TTLL2: variants seen among roughly 807,000 people sequenced by gnomAD.
TTLL2 encodes the protein tubulin tyrosine ligase like 2, also known as probable tubulin polyglutamylase TTLL2.
A neutral mutation model predicts 7.5 loss-of-function variants in TTLL2; 10 were observed. The ratio of observed to expected loss-of-function variants is 1.33; its 90% CI spans 0.82 to 2.25. The LOEUF (loss-of-function observed/expected upper bound fraction) is 2.25. Among genes scored for constraint, TTLL2 ranks in the 30% most tolerant of loss-of-function variants. The pLI is 0.00. For missense variants in TTLL2, 733 were observed against 735.7 expected (o/e 1.00, Z 0.04); for synonymous variants, 284 against 280.3 (o/e 1.01, Z -0.13).
rs770316155 is a variant in TTLL2 at position 167,340,972 on chromosome 6, C to A, written c.1072C>A (p.Pro358Thr). 2 of 1,614,104 alleles carry A rather than the reference C, an allele frequency of 1.2e-6. No homozygotes were observed. The highest frequency in any genetic ancestry group is 4.5e-5 in the East Asian group (2 of 44,870). Residue 358 changes from proline (P) to threonine (T), a missense_variant, in exon 3 of 3, where the codon CCA becomes ACA. Physicochemically the swap from Pro to Thr is conservative, Grantham distance 38 (BLOSUM62 -1). Coordinates refer to ENST00000239587, the MANE Select transcript of TTLL2 (RefSeq NM_031949.5). ...MVILTILAIA[P>T]SVPFAANCFE... is the part of the protein sequence containing the mutation. ...TATTCTCACCATTCTCGCCATTGCA[C>A]CATCTGTCCCCTTTGCTGCCAATTG...
At position 167,338,795 on chromosome 6, in the gene TTLL2, GAGA is replaced by G. The variant is rs763253978; in HGVS notation, c.202_204del (p.Lys70del). The stretch of plus-strand genomic sequence containing the variant: ...GCGAGGCCGCCCAACACCAACACTG[GAGA>G]AGAAGGTGGGTGGGCAAGCCAGGTA... On this transcript the variant is annotated inframe_deletion, in exon 2 of 3. Transcript: ENST00000239587. 5 of 1,606,784 alleles carry G rather than the reference GAGA, an allele frequency of 3.1e-6. No homozygotes were observed. Among genetic ancestry groups the G allele is most frequent in the South Asian group, 1.1e-5 (1 of 90,076 alleles).
Position 167,342,685 on chromosome 6 carries a change from C to G in TTLL2, c.*1006C>G, listed in dbSNP as rs1305053856. Among the ~76,000 whole-genome samples, 4 of 152,146 alleles carry G rather than the reference C, an allele frequency of 2.6e-5. No individual in the cohort carries two copies. ...TTTACCACAATAAAAAAGTTAAAAG[C>G]TGGCCATGGTGGCTCATGCCTTCAA... On this transcript the variant is annotated 3_prime_UTR_variant, in exon 3 of 3. Transcript: ENST00000239587.
intron 1 of TTLL2, among the ~76,000 whole-genome samples, chr6:167,326,612 G>A (rs911829605): frequency 2.0e-5 from 3 of 152,166 alleles, no homozygotes; most frequent in Non-Finnish European, 4.4e-5. Flanking sequence ...TATTTTCTAT[G>A]TCTACACCAA....
chr6:167,340,849 G>T lies in TTLL2; in HGVS notation c.949G>T (p.Gly317Cys). ...ASYEKIKEVI[G>C]HGCKWTLSRF... ...TTATGAGAAGATCAAAGAAGTGATT[G>T]GTCATGGTTGTAAATGGACGCTCAG... The change falls in exon 3 of 3, where the codon GGT becomes TGT. Residue 317 changes from glycine to cysteine, a missense_variant. Physicochemically the swap from Gly to Cys is radical, Grantham distance 159. Coordinates refer to ENST00000239587, the MANE Select transcript of TTLL2 (RefSeq NM_031949.5). 6.2e-7 allele frequency: 1 copy of T among 1,614,144 alleles called. No individual in the cohort carries two copies. The highest frequency in any genetic ancestry group is 8.5e-7 in the Non-Finnish European group (1 of 1,180,030).
rs374754607 is a variant in TTLL2, at chr6:167,330,876, G to T, written c.47+5656G>T. On this transcript the variant is annotated intron_variant, in intron 1 of 2. Transcript: ENST00000239587. ...TCAGCCAGAGACCCAGGAGGGCAGC[G>T]TGGGCATTCCCGTGATCCCTTCTGC... 1.9e-3 allele frequency among the ~76,000 whole-genome samples: 283 copies of T among 152,306 alleles called. 3 individuals are homozygous for T. Among genetic ancestry groups the T allele is most frequent in the African/African-American group, 6.7e-3 (278 of 41,554 alleles).
At chr6:167,338,824 G>GTTCCTTCCTTTCTTCCTTCC (rs1554246388) in intron 2 of TTLL2, 21 bp downstream of exon 2, 1 of 1,025,092 alleles carries the variant, frequency 9.8e-7, no homozygotes, top group African/African-American at 1.8e-5. Context: ...AAGCCAGGTA[G>GTTCCTTCCTTTCTTCCTTCC]TTCCTTCCTT....
At chr6:167,330,880 G>C (rs1778911112) in intron 1 of TTLL2, among the ~76,000 whole-genome samples, 1 of 152,156 alleles carries the variant, frequency 6.6e-6, no homozygotes, top group African/African-American at 2.4e-5. Flanking sequence ...GGCAGCGTGG[G>C]CATTCCCGTG....
At chr6:167,327,423 A>G (rs1778860207) in intron 1 of TTLL2, among the ~76,000 whole-genome samples, 1 of 152,202 alleles carries the variant, frequency 6.6e-6, no homozygotes, top group Non-Finnish European at 1.5e-5. Flanking sequence ...CTTTGCAGCC[A>G]TCTTCTTTAG....
chr6:167,331,162 A>AC lies in TTLL2; in HGVS notation c.47+5943dup, dbSNP rs549581603. On this transcript the variant is annotated intron_variant, in intron 1 of 2. Transcript: ENST00000239587. ...TATTAATTGTATATATTCATTGGGTACTAGTGAAGTTTTGTTATGTATAAT... is the reference window on the plus strand; with the variant it reads ...TATTAATTGTATATATTCATTGGGTACCTAGTGAAGTTTTGTTATGTATAAT... 3.5e-3 allele frequency among the ~76,000 whole-genome samples: 531 copies of AC among 152,304 alleles called. 9 individuals carry two copies. The highest frequency in any genetic ancestry group is 0.012 in the African/African-American group (506 of 41,538).
chr6:167,339,953 G>A, intron 2 of TTLL2, 152 bp from the exon 3 acceptor site: 1 of 730,748 alleles, frequency 1.4e-6, no homozygotes, highest in Non-Finnish European at 2.2e-6. Context: ...TGGGTGCATT[G>A]GTGAAGAGAC....
chr6:167,327,879 A>G (rs1778866507), intron 1 of TTLL2: 1 of 401,264 alleles, frequency 2.5e-6, no homozygotes, highest in South Asian at 1.9e-5. Context: ...AGCATTGCCT[A>G]TTCATTGGCG....
intron 1 of TTLL2, chr6:167,327,977 C>A: frequency 2.2e-6 from 1 of 456,212 alleles, no homozygotes; most frequent in African/African-American, 2.0e-5. Context: ...CTCTCCTTGA[C>A]CCCAAAATAT....
intron 2 of TTLL2, among the ~76,000 whole-genome samples, chr6:167,339,021 A>T (rs1359314165): frequency 2.2e-5 from 2 of 90,964 alleles, no homozygotes; most frequent in African/African-American, 9.0e-5. Flanking sequence ...CTCCTTTTCT[A>T]CTCTTTCCTT....
intron 1 of TTLL2, among the ~76,000 whole-genome samples, chr6:167,336,813 C>T (rs1205498917): frequency 2.6e-5 from 4 of 152,230 alleles, no homozygotes; most frequent in Non-Finnish European, 5.9e-5. Context: ...GCTAGGGTGA[C>T]GGAACATCCT....
chr6:167,340,243 G>A lies in TTLL2; in HGVS notation c.343G>A (p.Glu115Lys). 2 of 1,614,126 alleles carry A rather than the reference G, an allele frequency of 1.2e-6. No homozygotes were observed. Among genetic ancestry groups the A allele is most frequent in the Non-Finnish European group, 1.7e-6 (2 of 1,180,012 alleles). The change falls in exon 3 of 3, where the codon GAG becomes AAG. Residue 115 changes from glutamate to lysine, a missense_variant. Glu to Lys is a moderately conservative substitution (Grantham distance 56, BLOSUM62 1). Coordinates refer to ENST00000239587, the MANE Select transcript of TTLL2 (RefSeq NM_031949.5). Reference protein sequence around the residue: ...ERGWNKFDKQEQNAEDWNLYW... With the variant: ...ERGWNKFDKQKQNAEDWNLYW... ...GGGGTGGAATAAGTTTGATAAGCAG[G>A]AGCAGAACGCGGAGGACTGGAACCT...
Position 167,332,415 on chromosome 6 carries a change from G to A in TTLL2, c.48-6232G>A, listed in dbSNP as rs367642365. Among the ~76,000 whole-genome samples the A allele has an allele frequency of 4.6e-5, 7 of 152,200 alleles. No homozygotes were observed. The South Asian group carries it at 1.5e-3, about 32-fold the overall frequency. On this transcript the variant is annotated intron_variant, in intron 1 of 2. Coordinates refer to ENST00000239587, the MANE Select transcript of TTLL2 (RefSeq NM_031949.5). ...ACCTTTAGACCCAACTTATAAGGAG[G>A]CAATGTTAGGCGAAATTCAATTTAA... is the stretch of plus-strand genomic sequence containing the variant.
At chr6:167,336,996 C>A (rs142575720) in intron 1 of TTLL2, among the ~76,000 whole-genome samples, 4 of 152,296 alleles carry the variant, frequency 2.6e-5, no homozygotes, top group East Asian at 1.9e-4. Context: ...CACCCCAGCC[C>A]TCACCCTGGC....
At chr6:167,339,765 C>T (rs559891488) in intron 2 of TTLL2, among the ~76,000 whole-genome samples, 44 of 152,310 alleles carry the variant, frequency 2.9e-4, no homozygotes, top group African/African-American at 9.9e-4. Context: ...ACTTTTTAGG[C>T]CAACAGGACG....
rs1779077131 is a variant in TTLL2 at position 167,340,826 on chromosome 6, A to G, written c.926A>G (p.Tyr309Cys). ...NSSINKSGASYEKIKEVIGHG... is the reference protein window; with the variant it reads ...NSSINKSGASCEKIKEVIGHG... ...AGCATCAATAAATCCGGGGCCTCTT[A>G]TGAGAAGATCAAAGAAGTGATTGGT... Residue 309 changes from tyrosine (Y) to cysteine (C), a missense_variant, in exon 3 of 3, where the codon TAT becomes TGT. Coordinates refer to ENST00000239587, the MANE Select transcript of TTLL2 (RefSeq NM_031949.5). The G allele has an allele frequency of 3.1e-6, 5 of 1,614,036 alleles. No individual in the cohort carries two copies. Among genetic ancestry groups the G allele is most frequent in the Non-Finnish European group, 4.2e-6 (5 of 1,180,044 alleles).
Sources: allele counts gnomAD v4.1 joint callset (sites outside exome capture counted in the v4.1 genomes callset), GRCh38; gene constraint gnomAD v4.1.1; transcripts MANE v1.5; gene names NCBI Gene and HGNC (gene_info 2026-07-23, HGNC 2026-07-21).